ITGA11: variants seen among roughly 807,000 people sequenced by gnomAD.
ITGA11 encodes the protein integrin alpha-11.
A neutral mutation model predicts 141.9 loss-of-function variants in ITGA11; 97 were observed. The ratio of observed to expected loss-of-function variants is 0.68; its 90% confidence interval spans 0.58 to 0.81. The LOEUF (loss-of-function observed/expected upper bound fraction) is 0.81. ITGA11 is among the 30% of genes least tolerant of loss of function. The probability of loss-of-function intolerance (pLI) is 0.00; values close to 1 mark genes in which losing one functional copy is unlikely to be tolerated. For synonymous variants in ITGA11, 658 were observed against 624.6 expected (o/e 1.05, Z -0.80); for missense variants, 1,387 against 1,559.2 (o/e 0.89, Z 1.86).
At chr15:68,355,325 T>G (rs1446547101) in intron 7 of ITGA11, among the ~76,000 whole-genome samples, 1 of 152,208 alleles carries the variant, frequency 6.6e-6, no homozygotes, top group Non-Finnish European at 1.5e-5. Context: ...TTGAGCAAGT[T>G]TTATCAGCAA....
intron 14 of ITGA11, 34 bp downstream of exon 14, chr15:68,331,825 A>G (rs1894167974): frequency 6.4e-7 from 1 of 1,572,298 alleles, no homozygotes; most frequent in East Asian, 2.3e-5. Context: ...CTGCAGCCCC[A>G]TTTGCTCCAT....
chr15:68,306,869 C>T (rs1375829399), intron 28 of ITGA11, among the ~76,000 whole-genome samples: 1 of 152,238 alleles, frequency 6.6e-6, no homozygotes, highest in Admixed American at 6.5e-5. Context: ...CCCGGCTGCC[C>T]TGTCTATTTC....
chr15:68,348,989 C>T, intron 9 of ITGA11, 89 bp from the exon 10 acceptor site: 3 of 1,165,380 alleles, frequency 2.6e-6, no homozygotes, highest in Non-Finnish European at 3.8e-6. Flanking sequence ...CTCCTGCTTC[C>T]TGGGGGCATC....
intron 10 of ITGA11, among the ~76,000 whole-genome samples, chr15:68,346,313 C>T (rs1375028077): frequency 2.0e-5 from 3 of 152,216 alleles, no homozygotes; most frequent in African/African-American, 7.2e-5. Flanking sequence ...AAGGACTCAC[C>T]TTGCTCAACA....
At position 68,326,955 on chromosome 15, in the gene ITGA11, G is replaced by C. The variant is rs936720447; in HGVS notation, c.2069-159C>G. Reference sequence around the variant, plus strand: ...TGAGAAACTCCCACATGGAGAGCAAGTGATTGCATGAGGAAGGTAAAGGAA... The same window carrying C: ...TGAGAAACTCCCACATGGAGAGCAACTGATTGCATGAGGAAGGTAAAGGAA... On this transcript the variant is annotated intron_variant, in intron 16 of 29. Coordinates refer to ENST00000315757, the MANE Select transcript of ITGA11 (RefSeq NM_001004439.2). This position sits in a 1 kb window ranked among gnomAD's most constrained non-coding sequence, Gnocchi z 6.8. Among the ~76,000 whole-genome samples, 1 of 152,094 alleles carries C rather than the reference G, an allele frequency of 6.6e-6. No homozygotes were observed. The highest frequency in any genetic ancestry group is 6.5e-5 in the Admixed American group (1 of 15,276).
intron 5 of ITGA11, among the ~76,000 whole-genome samples, chr15:68,361,218 G>A (rs991313571): frequency 2.6e-5 from 4 of 152,152 alleles, no homozygotes; most frequent in African/African-American, 7.2e-5. Flanking sequence ...ATCAGGGGGC[G>A]CCATTCATAT....
intron 19 of ITGA11, among the ~76,000 whole-genome samples, chr15:68,320,950 C>T (rs752575521): frequency 2.0e-5 from 3 of 152,076 alleles, no homozygotes; most frequent in Non-Finnish European, 4.4e-5. Flanking sequence ...CTTGTATGTT[C>T]GTTTGTCTCT....
intron 1 of ITGA11, among the ~76,000 whole-genome samples, chr15:68,415,682 G>C (rs1896871802): frequency 2.0e-5 from 3 of 152,156 alleles, no homozygotes; most frequent in Non-Finnish European, 4.4e-5. Context: ...CCCTAGATAG[G>C]GATGTGCTCA....
intron 4 of ITGA11, among the ~76,000 whole-genome samples, chr15:68,364,200 C>T (rs1025376869): frequency 4.6e-5 from 7 of 152,190 alleles, no homozygotes; most frequent in South Asian, 4.1e-4. Context: ...ATAGTTGAGA[C>T]GGCTTGTCAC....
At chr15:68,347,114 C>T (rs962411182) in intron 10 of ITGA11, among the ~76,000 whole-genome samples, 1 of 152,208 alleles carries the variant, frequency 6.6e-6, no homozygotes, top group African/African-American at 2.4e-5. Flanking sequence ...TTCCTTGTTG[C>T]GTTTTCTAAT....
intron 22 of ITGA11, among the ~76,000 whole-genome samples, chr15:68,315,228 T>A (rs1413906137): frequency 6.6e-6 from 1 of 152,172 alleles, no homozygotes; most frequent in East Asian, 1.9e-4. Context: ...CCCTGGGAAA[T>A]TCACTCACCC....
chr15:68,400,287 C>G (rs1010711605), intron 2 of ITGA11, among the ~76,000 whole-genome samples: 1 of 151,514 alleles, frequency 6.6e-6, no homozygotes, highest in African/African-American at 2.4e-5. Flanking sequence ...AATCATTGAC[C>G]TAAATGACAA....
chr15:68,420,939 G>A (rs1196793047), intron 1 of ITGA11, among the ~76,000 whole-genome samples: 4 of 152,218 alleles, frequency 2.6e-5, no homozygotes, highest in Non-Finnish European at 5.9e-5. Flanking sequence ...CATGCAGGGG[G>A]GTTGAATTTT....
intron 18 of ITGA11, among the ~76,000 whole-genome samples, chr15:68,323,565 T>C (rs1294924588): frequency 6.6e-6 from 1 of 152,190 alleles, no homozygotes; most frequent in Admixed American, 6.5e-5. Context: ...TGTGTCTCAC[T>C]TGCTGGGGGC....
intron 2 of ITGA11, among the ~76,000 whole-genome samples, chr15:68,391,709 A>T (rs1896126188): frequency 6.6e-6 from 1 of 152,230 alleles, no homozygotes; most frequent in South Asian, 2.1e-4. Flanking sequence ...TCAAAGATGC[A>T]TGTAATTAAT....
chr15:68,367,575 G>A (rs1406952762), intron 3 of ITGA11, among the ~76,000 whole-genome samples: 2 of 152,116 alleles, frequency 1.3e-5, no homozygotes, highest in African/African-American at 2.4e-5. Context: ...TACAGCACCT[G>A]GTTTATTGCA....
At chr15:68,398,801 GAA>G (rs1201435809) in intron 2 of ITGA11, among the ~76,000 whole-genome samples, 1 of 136,560 alleles carries the variant, frequency 7.3e-6, no homozygotes, top group Non-Finnish European at 1.5e-5. Context: ...AATGAAATAA[GAA>G]TAGTTTATTT....
rs1011308964 is a variant in ITGA11 at position 68,308,064 on chromosome 15, C to T, written c.3175-368G>A. 1.3e-5 allele frequency among the ~76,000 whole-genome samples: 2 copies of T among 152,104 alleles called. No individual in the cohort carries two copies. The highest frequency in any genetic ancestry group is 3.8e-4 in the East Asian group (2 of 5,198). On this transcript the variant is annotated intron_variant, in intron 26 of 29. Transcript: ENST00000315757. The surrounding 1 kb of genome is among the most constrained non-coding windows in gnomAD (Gnocchi z 5.2). ...TGCAGAAAAAGTATTTTAGGAAGTC[C>T]AACTTCTGTTCATGATAAAAACTCC... is the stretch of plus-strand genomic sequence containing the variant.
rs773143785 is a variant in ITGA11, at chr15:68,324,528, T to C, written c.2322+603A>G. ...ATCACTGCCTGACATTTTCCTTGAGTGGGATTTACATGGAGTTGCGGCTGC... is the reference window on the plus strand; with the variant it reads ...ATCACTGCCTGACATTTTCCTTGAGCGGGATTTACATGGAGTTGCGGCTGC... On this transcript the variant is annotated intron_variant, in intron 18 of 29. Transcript: ENST00000315757. The surrounding 1 kb of genome is among the most constrained non-coding windows in gnomAD (Gnocchi z 6.3). Among the ~76,000 whole-genome samples the C allele has an allele frequency of 2.2e-4, 33 of 151,964 alleles. No homozygotes were observed. The highest frequency in any genetic ancestry group is 4.3e-4 in the Non-Finnish European group (29 of 67,986).
Sources: gnomAD v4.1 joint callset for allele counts (sites outside exome capture counted in the v4.1 genomes callset) on GRCh38, gnomAD v4.1.1 for gene constraint, Gnocchi (gnomAD v3.1) non-coding constraint, MANE v1.5 for transcripts, NCBI Gene and HGNC (gene_info 2026-07-23, HGNC 2026-07-21) for gene names.